Variants in ATE1 observed in about 807,000 individuals in gnomAD.
The protein encoded by ATE1 is arginyl-tRNA--protein transferase 1.
A neutral mutation model predicts 70.5 loss-of-function variants in ATE1; 36 were observed. The observed-to-expected ratio is 0.51, with a 90% CI of 0.39 to 0.67. The LOEUF (loss-of-function observed/expected upper bound fraction) is 0.67. ATE1 is among the 30% of genes least tolerant of loss of function. The pLI, the probability that ATE1 is intolerant of heterozygous loss-of-function variation, is 0.00. For synonymous variants in ATE1, 232 were observed against 219.3 expected (o/e 1.06, Z -0.51); for missense variants, 593 against 629.5 (o/e 0.94, Z 0.62).
chr10:121,858,279 C>T (rs988140048), intron 8 of ATE1, among the ~76,000 whole-genome samples: 1 of 152,140 alleles, frequency 6.6e-6, no homozygotes, highest in African/African-American at 2.4e-5. Flanking sequence ...TGTACCATTT[C>T]ATGTTCCCAC....
chr10:121,801,133 C>G (rs1276435228), intron 10 of ATE1, among the ~76,000 whole-genome samples: 1 of 152,216 alleles, frequency 6.6e-6, no homozygotes, highest in Non-Finnish European at 1.5e-5. Flanking sequence ...TCCCCAAATT[C>G]TGAAAGCCAA....
At chr10:121,772,534 G>T (rs1945562424) in intron 11 of ATE1, among the ~76,000 whole-genome samples, 1 of 152,264 alleles carries the variant, frequency 6.6e-6, no homozygotes, top group East Asian at 1.9e-4. Flanking sequence ...AAACACCCCA[G>T]ACTTATTCGG....
chr10:121,806,423 A>G (rs1947098416), intron 10 of ATE1, among the ~76,000 whole-genome samples: 1 of 152,178 alleles, frequency 6.6e-6, no homozygotes, highest in Non-Finnish European at 1.5e-5. Flanking sequence ...ACTGTACTTT[A>G]GTCTGGGTGA....
At chr10:121,873,787 G>A (rs1400487205) in intron 7 of ATE1, among the ~76,000 whole-genome samples, 1 of 151,634 alleles carries the variant, frequency 6.6e-6, no homozygotes, top group Non-Finnish European at 1.5e-5. Context: ...CTCCTGAAAT[G>A]CCTTATTTGT....
At chr10:121,759,405 G>A (rs572246668) in intron 11 of ATE1, among the ~76,000 whole-genome samples, 1 of 152,290 alleles carries the variant, frequency 6.6e-6, no homozygotes, top group Non-Finnish European at 1.5e-5. Flanking sequence ...GAGGTTTAAG[G>A]AAAGAAGCCA....
chr10:121,830,559 C>T (rs116938619), intron 10 of ATE1, among the ~76,000 whole-genome samples: 2,141 of 152,246 alleles, frequency 0.014, 12 homozygotes, highest in Non-Finnish European at 0.021. Flanking sequence ...CCTCAGGTAT[C>T]CTGTTATATA....
At chr10:121,858,036 C>T (rs1371493520) in intron 8 of ATE1, among the ~76,000 whole-genome samples, 1 of 152,196 alleles carries the variant, frequency 6.6e-6, no homozygotes, top group Non-Finnish European at 1.5e-5. Context: ...CTTTTTAAGG[C>T]TGAATAATAT....
rs139153134 is a variant in ATE1 at position 121,802,173 on chromosome 10, T to A, written c.1258-11884A>T. 1.2e-4 allele frequency among the ~76,000 whole-genome samples: 18 copies of A among 152,294 alleles called. No individual in the cohort carries two copies. The East Asian group carries it at 3.5e-3, about 29-fold the overall frequency. ...TTGCCAAAGCTCTCCAGTCGAGAGA[T>A]AACCTGTACCATGTATCTGAGTCCA... On this transcript the variant is annotated intron_variant, in intron 10 of 11. Transcript: ENST00000224652.
intron 1 of ATE1, among the ~76,000 whole-genome samples, chr10:121,925,578 A>G (rs1952055313): frequency 6.6e-6 from 1 of 152,176 alleles, no homozygotes; most frequent in Non-Finnish European, 1.5e-5. Flanking sequence ...TTAAAGGCAT[A>G]TCAGAACTAA....
chr10:121,844,851 T>C lies in ATE1; in HGVS notation c.976-3588A>G, dbSNP rs562819784. 6.3e-4 allele frequency among the ~76,000 whole-genome samples: 96 copies of C among 152,146 alleles called. No homozygotes were observed. The Middle Eastern group carries it at 0.01, about 16-fold the overall frequency. On this transcript the variant is annotated intron_variant, in intron 8 of 11. Transcript: ENST00000224652. ...GCTATATCCTGCACGATTCCAATTA[T>C]AGGCATGTCTCATTTAATTGCACTT...
chr10:121,786,270 TATA>T (rs1176090050), intron 11 of ATE1, among the ~76,000 whole-genome samples: 1 of 131,238 alleles, frequency 7.6e-6, no homozygotes, highest in Non-Finnish European at 1.6e-5. Flanking sequence ...CCAATGATAA[TATA>T]ATGTTTGCCC....
chr10:121,776,522 G>C (rs921923687), intron 11 of ATE1, among the ~76,000 whole-genome samples: 3 of 152,188 alleles, frequency 2.0e-5, no homozygotes, highest in Non-Finnish European at 4.4e-5. Context: ...ATTCATGGCA[G>C]AACTGGAGTG....
intron 10 of ATE1, among the ~76,000 whole-genome samples, chr10:121,814,580 A>G (rs1465831302): frequency 6.6e-6 from 1 of 152,208 alleles, no homozygotes; most frequent in African/African-American, 2.4e-5. Flanking sequence ...ACAATATGGC[A>G]TCTGAAAGTG....
chr10:121,780,049 C>G (rs1945917276), intron 11 of ATE1, among the ~76,000 whole-genome samples: 1 of 152,190 alleles, frequency 6.6e-6, no homozygotes, highest in East Asian at 1.9e-4. Context: ...AGAAGGCAAT[C>G]TCACTCACTC....
chr10:121,800,411 T>C (rs946700341), intron 10 of ATE1, among the ~76,000 whole-genome samples: 1 of 152,232 alleles, frequency 6.6e-6, no homozygotes, highest in Non-Finnish European at 1.5e-5. Context: ...CACTTTGTTT[T>C]TACAGTTTTC....
intron 3 of ATE1, among the ~76,000 whole-genome samples, chr10:121,915,268 TATGACA>T (rs1951601794): frequency 1.3e-5 from 2 of 151,896 alleles, no homozygotes; most frequent in South Asian, 2.1e-4. Flanking sequence ...AAAGTAAAAA[TATGACA>T]GGAGAAATGT....
At chr10:121,867,059 T>C (rs900227539) in intron 8 of ATE1, among the ~76,000 whole-genome samples, 2 of 152,070 alleles carry the variant, frequency 1.3e-5, no homozygotes, top group Non-Finnish European at 2.9e-5. Flanking sequence ...TTTAGCTGAG[T>C]CCTACCAAAT....
chr10:121,767,625 G>A (rs143212233), intron 11 of ATE1, among the ~76,000 whole-genome samples: 192 of 152,102 alleles, frequency 1.3e-3, no homozygotes, highest in African/African-American at 3.8e-3. Context: ...AAGTTTCTTC[G>A]CCAAAGAAGA....
chr10:121,911,116 C>G lies in ATE1; in HGVS notation c.373G>C (p.Ala125Pro), dbSNP rs141896028. The G allele has an allele frequency of 6.8e-6, 11 of 1,609,446 alleles. No individual in the cohort carries two copies. The African/African-American group carries it at 1.3e-4, about 20-fold the overall frequency. ...PMDSTMDDAV[A>P]GDFALINKLD... ...TTATTTATCAATGCAAAGTCACCCG[C>G]AACAGCATCATCCATTGTGGAATCC... The change falls in exon 5 of 12, where the codon GCG (alanine) becomes CCG (proline). Residue 125 changes from alanine to proline, a missense_variant. Ala to Pro is a conservative substitution (Grantham distance 27). Transcript: ENST00000224652.
Sources: gnomAD v4.1 joint callset for allele counts (sites outside exome capture counted in the v4.1 genomes callset) on GRCh38, gnomAD v4.1.1 for gene constraint, MANE v1.5 for transcripts, NCBI Gene and HGNC (gene_info 2026-07-23, HGNC 2026-07-21) for gene names.